MYBPC1: variants seen among roughly 807,000 people sequenced by gnomAD.
MYBPC1 encodes the protein myosin binding protein C1, also known as myosin-binding protein C, slow-type.
MYBPC1 carries 52 observed loss-of-function variants against 147.1 expected under a neutral mutation model. The ratio of observed to expected loss-of-function variants is 0.35; its 90% confidence interval spans 0.28 to 0.45. The LOEUF (loss-of-function observed/expected upper bound fraction) is 0.45. Among genes scored for constraint, MYBPC1 ranks in the 20% least tolerant of loss-of-function variants. The pLI is 1.00. For synonymous variants in MYBPC1, 477 were observed against 475.9 expected, an observed-to-expected ratio of 1.00 and a Z score of -0.03; for missense variants, 1,228 against 1,440.3, an observed-to-expected ratio of 0.85 and a Z score of 2.39.
Position 101,642,537 on chromosome 12 carries a change from A to T in MYBPC1, c.784A>T (p.Met262Leu), listed in dbSNP as rs1270926182. ...FQYGITDLRG[M>L]LKRLKRMRRE... ...GTATGGAATCACCGACCTGCGCGGC[A>T]TGCTCAAGCGACTCAAGCGCATGCG... The change falls in exon 11 of 32, where the codon ATG becomes TTG. Residue 262 changes from methionine to leucine, a missense_variant. Around this residue, in one of 2 missense-constraint regions of MYBPC1, gnomAD observed 1,077 missense variants for 1,314.2 expected, o/e 0.82. Transcript: ENST00000361466. The T allele has an allele frequency of 6.2e-7, 1 of 1,613,484 alleles. No individual in the cohort carries two copies. The highest frequency in any genetic ancestry group is 1.7e-5 in the Admixed American group (1 of 59,948).
In MYBPC1 at chr12:101,644,649, CTTCTA is replaced by C. The variant is rs1324151421; in HGVS notation, c.833-8_833-4del. 6 of 1,606,472 alleles carry C rather than the reference CTTCTA, an allele frequency of 3.7e-6. 1 individual carries two copies. In the South Asian group the frequency reaches 4.4e-5, roughly 12 times the overall value. On this transcript the variant is annotated splice_polypyrimidine_tract_variant and intron_variant, in intron 11 of 31. Coordinates refer to ENST00000361466, the MANE Select transcript of MYBPC1 (RefSeq NM_002465.4). ...TACATATATTAACATACTTTTGCTT[CTTCTA>C]TTCTATCAGCTTTTGCAAAAATTCT...
chr12:101,658,406 C>T (rs1593949624), intron 18 of MYBPC1, among the ~76,000 whole-genome samples: 3 of 148,850 alleles, frequency 2.0e-5, no homozygotes, highest in South Asian at 4.3e-4. Context: ...AAAAAATCTA[C>T]CGTAAAAAGA....
intron 1 of MYBPC1, among the ~76,000 whole-genome samples, chr12:101,610,275 T>A (rs1883761803): frequency 6.6e-6 from 1 of 152,200 alleles, no homozygotes; most frequent in African/African-American, 2.4e-5. Context: ...ATTAATTGAA[T>A]CGTTGATTGA....
At chr12:101,627,312 G>C (rs11110895) in intron 4 of MYBPC1, among the ~76,000 whole-genome samples, 1 of 151,796 alleles carries the variant, frequency 6.6e-6, no homozygotes, top group South Asian at 2.1e-4. Flanking sequence ...GTGCTATCTC[G>C]GCTCACTGCA....
At chr12:101,603,418 C>T (rs976624827) in intron 1 of MYBPC1, among the ~76,000 whole-genome samples, 6 of 151,852 alleles carry the variant, frequency 4.0e-5, no homozygotes, top group Admixed American at 1.3e-4. Flanking sequence ...CCTCAGTCTG[C>T]GCTTTCCTGA....
At chr12:101,629,684 C>T (rs758562331) in intron 6 of MYBPC1, 140 bp downstream of exon 6, 2 of 681,498 alleles carry the variant, frequency 2.9e-6, no homozygotes, top group Admixed American at 2.1e-5. Flanking sequence ...ACCAGCCTGG[C>T]CAACATGGTG....
chr12:101,688,428 T>A (rs7485789), downstream of MYBPC1, among the ~76,000 whole-genome samples: 20 of 151,518 alleles, frequency 1.3e-4, no homozygotes, highest in South Asian at 1.3e-3. Context: ...CAAAAAAAAA[T>A]TTTTTTTAAG....
intron 10 of MYBPC1, among the ~76,000 whole-genome samples, chr12:101,641,217 C>T (rs1283490838): frequency 6.6e-6 from 1 of 151,420 alleles, no homozygotes; most frequent in Non-Finnish European, 1.5e-5. Flanking sequence ...AGCATGAATT[C>T]ATTTTCACAC....
chr12:101,636,913 C>G (rs1051014247), intron 10 of MYBPC1, 185 bp downstream of exon 10: 8 of 585,388 alleles, frequency 1.4e-5, no homozygotes, highest in African/African-American at 3.7e-5. Flanking sequence ...TCTTTTAAAG[C>G]CTTTAACAGT....
At chr12:101,689,094 G>A (rs1951386252), downstream of MYBPC1, among the ~76,000 whole-genome samples, 1 of 152,170 alleles carries the variant, frequency 6.6e-6, no homozygotes, top group Non-Finnish European at 1.5e-5. Flanking sequence ...CAATGCAGAA[G>A]CTGGATAGTG....
chr12:101,632,145 G>C lies in MYBPC1; in HGVS notation c.556+7G>C. 6.4e-7 allele frequency: 1 copy of C among 1,574,102 alleles called. No individual in the cohort carries two copies. Among genetic ancestry groups the C allele is most frequent in the Admixed American group, 1.7e-5 (1 of 59,954 alleles). The stretch of plus-strand genomic sequence containing the variant: ...TTTGATCTTGAAGTGCACGGTAAGA[G>C]AGCCTTCTTGCCTAGATAAATGTAA... On this transcript the variant is annotated splice_region_variant and intron_variant, in intron 8 of 31. Transcript: ENST00000361466.
At chr12:101,621,658 A>AT (rs1887422591) in intron 3 of MYBPC1, among the ~76,000 whole-genome samples, 1 of 152,176 alleles carries the variant, frequency 6.6e-6, no homozygotes, top group South Asian at 2.1e-4. Flanking sequence ...TTTGGTCTTT[A>AT]TTATTAAATC....
intron 24 of MYBPC1, among the ~76,000 whole-genome samples, chr12:101,672,008 A>C (rs1490232190): frequency 6.6e-6 from 1 of 152,208 alleles, no homozygotes; most frequent in East Asian, 1.9e-4. Flanking sequence ...TGACTTGCCC[A>C]ATGTCACACA....
chr12:101,599,274 G>A (rs1878819545), intron 1 of MYBPC1, among the ~76,000 whole-genome samples: 1 of 152,154 alleles, frequency 6.6e-6, no homozygotes, highest in Non-Finnish European at 1.5e-5. Flanking sequence ...ATTTCAATAG[G>A]AATAGATGGG....
Position 101,659,713 on chromosome 12 carries a change from C to T in MYBPC1, c.1809C>T (p.Tyr603=). 6.2e-7 allele frequency: 1 copy of T among 1,614,056 alleles called. No individual in the cohort carries two copies. The highest frequency in any genetic ancestry group is 8.5e-7 in the Non-Finnish European group (1 of 1,179,992). The change falls in exon 19 of 32, where the codon TAC becomes TAT. Residue 603 remains tyrosine, a synonymous_variant. Coordinates refer to ENST00000361466, the MANE Select transcript of MYBPC1 (RefSeq NM_002465.4). ...GTGGCCGGATAAGAACAGAATCTTA[C>T]CCTGATAGCAGCACTCTGGTCATTG... ...EGSGRIRTES[Y]PDSSTLVIDI...
In MYBPC1 at chr12:101,640,889, C is replaced by T. The variant is rs977112996; in HGVS notation, c.666-1530C>T. On this transcript the variant is annotated intron_variant, in intron 10 of 31. Transcript: ENST00000361466. Reference sequence around the variant, plus strand: ...CAGCACTTTGGGATGCCGAGGTGGACGGATCACTTGAGGTCAGGAGTTCAA... The same window carrying T: ...CAGCACTTTGGGATGCCGAGGTGGATGGATCACTTGAGGTCAGGAGTTCAA... Among the ~76,000 whole-genome samples the T allele has an allele frequency of 2.0e-5, 3 of 151,928 alleles. No homozygotes were observed. In the South Asian group the frequency reaches 6.2e-4, roughly 32 times the overall value.
At chr12:101,662,599 A>G in intron 21 of MYBPC1, 53 bp downstream of exon 21, 3 of 1,587,840 alleles carry the variant, frequency 1.9e-6, no homozygotes, top group South Asian at 2.2e-5. Context: ...CCAGAGTATG[A>G]CTGCTTTCTC....
At chr12:101,660,296 A>G (rs1896294000) in intron 19 of MYBPC1, 1 of 254,022 alleles carries the variant, frequency 3.9e-6, no homozygotes, top group Admixed American at 5.0e-5. Context: ...CATTTTTATC[A>G]GACACTGAAC....
intron 1 of MYBPC1, among the ~76,000 whole-genome samples, chr12:101,612,656 G>T (rs1396630775): frequency 1.3e-5 from 2 of 152,172 alleles, no homozygotes; most frequent in Non-Finnish European, 2.9e-5. Flanking sequence ...TGAGAAACTT[G>T]TCTGTAGACA....
Sources: allele counts gnomAD v4.1 joint callset (sites outside exome capture counted in the v4.1 genomes callset), GRCh38; gene constraint gnomAD v4.1.1; regional missense constraint gnomAD v4.1.1; transcripts MANE v1.5; gene names NCBI Gene and HGNC (gene_info 2026-07-23, HGNC 2026-07-21).